The following CLCN3 variants were observed in gnomAD, a reference collection of about 807,000 sequenced individuals.
CLCN3 encodes Cl-/H+ antiporter 3, also known as H(+)/Cl(-) exchange transporter 3.
In CLCN3, 16 loss-of-function variants were observed where a neutral mutation model predicts 83.4. The observed-to-expected ratio is 0.19, with a 90% CI of 0.13 to 0.29. The LOEUF (loss-of-function observed/expected upper bound fraction) is 0.29. Among genes scored for constraint, CLCN3 ranks in the 10% least tolerant of loss-of-function variants. The pLI, the probability that CLCN3 is intolerant of heterozygous loss-of-function variation, is 1.00. For synonymous variants in CLCN3, 322 were observed against 346.2 expected (o/e 0.93, Z 0.78); for missense variants, 544 against 1,006.0 (o/e 0.54, Z 6.21).
intron 10 of CLCN3, 55 bp downstream of exon 10, chr4:169,704,239 G>T: frequency 6.6e-7 from 1 of 1,515,922 alleles, no homozygotes; most frequent in Non-Finnish European, 9.0e-7. Context: ...AGAGAGCCAA[G>T]AGAAAGTGGG....
chr4:169,714,706 A>C (rs1733359924), intron 12 of CLCN3, among the ~76,000 whole-genome samples: 2 of 152,258 alleles, frequency 1.3e-5, no homozygotes, highest in Admixed American at 1.3e-4. Flanking sequence ...AGAGAATTAG[A>C]TCTATGTTTA....
At position 169,662,874 on chromosome 4, in the gene CLCN3, C is replaced by T. The variant is rs576915609; in HGVS notation, c.161-17176C>T. The T allele has an allele frequency of 9.2e-5, 14 of 152,076 alleles. No individual in the cohort carries two copies. The South Asian group carries it at 2.7e-3, about 29-fold the overall frequency. 9.4% of individuals were successfully genotyped at this position (152,076 alleles called of 1,614,324 possible). The stretch of plus-strand genomic sequence containing the variant: ...TAGGGGTAGATTTCCTATATAGAAA[C>T]AATCAAGCTCTCTCAAAATGTCTCT... On this transcript the variant is annotated intron_variant, in intron 2 of 12. Coordinates refer to ENST00000513761, the MANE Select transcript of CLCN3 (RefSeq NM_001829.4).
intron 2 of CLCN3, among the ~76,000 whole-genome samples, chr4:169,670,690 A>G (rs754731229): frequency 6.6e-6 from 1 of 152,218 alleles, no homozygotes; most frequent in Non-Finnish European, 1.5e-5. Context: ...CGTTGAATCT[A>G]TAAATTACTT....
intron 11 of CLCN3, among the ~76,000 whole-genome samples, chr4:169,710,878 A>G (rs1209032371): frequency 6.6e-6 from 1 of 152,074 alleles, no homozygotes; most frequent in Non-Finnish European, 1.5e-5. Flanking sequence ...TTACTGTTTT[A>G]GAGATGAGGT....
At chr4:169,706,488 T>C (rs1732999498) in intron 10 of CLCN3, among the ~76,000 whole-genome samples, 1 of 152,250 alleles carries the variant, frequency 6.6e-6, no homozygotes, top group Admixed American at 6.5e-5. Context: ...CAAAGCATGA[T>C]GTGCTTTACT....
At chr4:169,706,496 A>G (rs1029174849) in intron 10 of CLCN3, among the ~76,000 whole-genome samples, 1 of 152,264 alleles carries the variant, frequency 6.6e-6, no homozygotes, top group Non-Finnish European at 1.5e-5. Context: ...GATGTGCTTT[A>G]CTAAATTCCT....
intron 2 of CLCN3, among the ~76,000 whole-genome samples, chr4:169,666,778 G>A (rs1266731189): frequency 4.6e-5 from 7 of 152,144 alleles, no homozygotes; most frequent in East Asian, 3.8e-4. Flanking sequence ...ACTTGCTAGC[G>A]GTGTGACCTT....
intron 2 of CLCN3, among the ~76,000 whole-genome samples, chr4:169,649,849 C>T (rs980890618): frequency 2.0e-5 from 3 of 152,050 alleles, no homozygotes; most frequent in Admixed American, 6.6e-5. Flanking sequence ...TTTGGGAGGC[C>T]GAAGCGGGCA....
chr4:169,694,334 T>C (rs1732485241), intron 7 of CLCN3, among the ~76,000 whole-genome samples: 1 of 152,270 alleles, frequency 6.6e-6, no homozygotes, highest in African/African-American at 2.4e-5. Flanking sequence ...GAGGCACATA[T>C]AGGTTAGGTT....
At chr4:169,679,510 A>G (rs1731840806) in intron 2 of CLCN3, among the ~76,000 whole-genome samples, 1 of 152,160 alleles carries the variant, frequency 6.6e-6, no homozygotes, top group South Asian at 2.1e-4. Context: ...AGAGGCTGCA[A>G]TCTCAGCACT....
At chr4:169,677,286 A>G (rs1731717956) in intron 2 of CLCN3, among the ~76,000 whole-genome samples, 1 of 152,174 alleles carries the variant, frequency 6.6e-6, no homozygotes, top group African/African-American at 2.4e-5. Context: ...TACAGACTTT[A>G]GATCAGGGAT....
intron 1 of CLCN3, among the ~76,000 whole-genome samples, chr4:169,621,785 A>G (rs1319585789): frequency 6.6e-6 from 1 of 152,192 alleles, no homozygotes; most frequent in Non-Finnish European, 1.5e-5. Flanking sequence ...TTTCATCTTT[A>G]AAGAGTTAAT....
chr4:169,719,849 A>T, intron 12 of CLCN3, 58 bp from the exon 13 acceptor site: 2 of 1,385,554 alleles, frequency 1.4e-6, no homozygotes, highest in Non-Finnish European at 2.0e-6. Flanking sequence ...CTATAGATTT[A>T]GCTTCTCCTT....
At position 169,620,613 on chromosome 4, in the gene CLCN3, C is replaced by T. The variant is rs1026967110; in HGVS notation, c.-467C>T. The T allele has an allele frequency of 8.8e-5, 35 of 397,428 alleles. No individual in the cohort carries two copies. The highest frequency in any genetic ancestry group is 6.3e-4 in the Middle Eastern group (1 of 1,586). 24.6% of individuals were successfully genotyped at this position (397,428 alleles called of 1,614,324 possible). A position where few individuals can be genotyped will look rare whatever the true frequency, so the allele number is the denominator to read the frequency against. The stretch of plus-strand genomic sequence containing the variant: ...TCCGTGGGTCAGGGCCGGTCCGGTC[C>T]GGAACCTGCAGCCCCTTTCCCAGTG... On this transcript the variant is annotated 5_prime_UTR_variant, in exon 1 of 13. Coordinates refer to ENST00000513761, the MANE Select transcript of CLCN3 (RefSeq NM_001829.4).
At chr4:169,626,224 C>G (rs1030929983) in intron 1 of CLCN3, among the ~76,000 whole-genome samples, 1 of 152,216 alleles carries the variant, frequency 6.6e-6, no homozygotes, top group Non-Finnish European at 1.5e-5. Context: ...TCAAAGGATA[C>G]AGATGAACAG....
chr4:169,694,526 T>G (rs1326913038), intron 7 of CLCN3, among the ~76,000 whole-genome samples: 1 of 152,222 alleles, frequency 6.6e-6, no homozygotes, highest in Non-Finnish European at 1.5e-5. Flanking sequence ...ATATTTGCTG[T>G]ATTAAAGTAG....
chr4:169,652,970 T>A (rs1370223442), intron 2 of CLCN3, among the ~76,000 whole-genome samples: 1 of 152,230 alleles, frequency 6.6e-6, no homozygotes, highest in South Asian at 2.1e-4. Flanking sequence ...AGTTCTTTAT[T>A]TTCTAGACAC....
intron 1 of CLCN3, 129 bp from the exon 2 acceptor site, chr4:169,635,784 A>C (rs1164618363): frequency 5.5e-6 from 3 of 549,754 alleles, no homozygotes; most frequent in Non-Finnish European, 8.8e-6. Context: ...AATAAAGGTA[A>C]CTATTGTTAC....
chr4:169,712,503 C>T (rs568174649), intron 11 of CLCN3, among the ~76,000 whole-genome samples: 13 of 152,242 alleles, frequency 8.5e-5, no homozygotes, highest in African/African-American at 2.4e-4. Flanking sequence ...AGTCTGTGTG[C>T]ATTATGAGCA....
Sources: allele counts gnomAD v4.1 joint callset (sites outside exome capture counted in the v4.1 genomes callset), GRCh38; gene constraint gnomAD v4.1.1; transcripts MANE v1.5; gene names NCBI Gene and HGNC (gene_info 2026-07-23, HGNC 2026-07-21).